Variants in COL7A1 observed in about 807,000 individuals in gnomAD.
The protein encoded by COL7A1 is collagen type VII alpha 1 chain.
COL7A1 carries 296 observed loss-of-function variants against 456.2 expected under a neutral mutation model. The observed-to-expected ratio is 0.65, with a 90% confidence interval of 0.59 to 0.71. COL7A1 has a LOEUF of 0.71. Among genes scored for constraint, COL7A1 ranks in the 30% least tolerant of loss-of-function variants. The pLI, the probability that COL7A1 is intolerant of heterozygous loss-of-function variation, is 0.00. For synonymous variants in COL7A1, 1,464 were observed against 1,525.9 expected (o/e 0.96, Z 0.95); for missense variants, 3,441 against 4,017.2 (o/e 0.86, Z 3.88).
Position 48,573,468 on chromosome 3 carries a change from C to G in COL7A1, c.6618+45G>C. ...GCGCACACTACCCCAGGCATGGACA[C>G]AGCTTGAAGGAGCCTCCTCCTCCTA... is the stretch of plus-strand genomic sequence containing the variant. On this transcript the variant is annotated intron_variant, in intron 83 of 118. Coordinates refer to ENST00000681320, the MANE Select transcript of COL7A1 (RefSeq NM_000094.4). The surrounding 1 kb of genome is among the most constrained non-coding windows in gnomAD (Gnocchi z 5.5). The G allele has an allele frequency of 6.2e-7, 1 of 1,613,968 alleles. No individual in the cohort carries two copies. Among genetic ancestry groups the G allele is most frequent in the Non-Finnish European group, 8.5e-7 (1 of 1,179,922 alleles).
chr3:48,578,393 T>A lies in COL7A1; in HGVS notation c.5488-28A>T, dbSNP rs1230697853. 1.2e-6 allele frequency: 2 copies of A among 1,613,442 alleles called. No homozygotes were observed. Among genetic ancestry groups the A allele is most frequent in the Admixed American group, 3.3e-5 (2 of 60,020 alleles). On this transcript the variant is annotated intron_variant, in intron 64 of 118. Transcript: ENST00000681320. This position sits in a 1 kb window ranked among gnomAD's most constrained non-coding sequence, Gnocchi z 4.7. ...GTGGGAACAGATCACTGGTTGGATG[T>A]CGGGGATCGGGTGAGGGTAGTAAGG...
chr3:48,583,091 C>G lies in COL7A1; in HGVS notation c.4482+36G>C. ...GTCAGAGCTGAGTTGGGCCCAGATC[C>G]TCCAGGGCCCTTGGCACCCCCCAGG... On this transcript the variant is annotated intron_variant, in intron 43 of 118. Coordinates refer to ENST00000681320, the MANE Select transcript of COL7A1 (RefSeq NM_000094.4). The surrounding 1 kb of genome is among the most constrained non-coding windows in gnomAD (Gnocchi z 5.1). 4.3e-6 allele frequency: 7 copies of G among 1,613,926 alleles called. No individual in the cohort carries two copies. Among genetic ancestry groups the G allele is most frequent in the Non-Finnish European group, 5.1e-6 (6 of 1,179,900 alleles).
chr3:48,582,604 C>G lies in COL7A1; in HGVS notation c.4563+5G>C. ...CTCCTGGTCCCACCACAGTCACAGA[C>G]TCACTTCAGGACCCTTGGCTCCAGG... On this transcript the variant is annotated splice_donor_5th_base_variant and intron_variant, in intron 45 of 118. Transcript: ENST00000681320. 6.2e-7 allele frequency: 1 copy of G among 1,613,740 alleles called. No individual in the cohort carries two copies. The highest frequency in any genetic ancestry group is 8.5e-7 in the Non-Finnish European group (1 of 1,180,036).
At position 48,577,037 on chromosome 3, in the gene COL7A1, G is replaced by C. The variant is rs201264274; in HGVS notation, c.5533-10C>G. Reference sequence around the variant, plus strand: ...GGTCCCCAGGTTCTCCCTGTGGGCAGAGGACTCACATCAGCCCAAACATTC... The same window carrying C: ...GGTCCCCAGGTTCTCCCTGTGGGCACAGGACTCACATCAGCCCAAACATTC... On this transcript the variant is annotated splice_polypyrimidine_tract_variant and intron_variant, in intron 65 of 118. Coordinates refer to ENST00000681320, the MANE Select transcript of COL7A1 (RefSeq NM_000094.4). The C allele has an allele frequency of 5.6e-6, 9 of 1,613,922 alleles. No homozygotes were observed. The African/African-American group carries it at 1.1e-4, about 19-fold the overall frequency.
Position 48,595,107 on chromosome 3 carries a change from G to A in COL7A1, c.53C>T (p.Ala18Val), listed in dbSNP as rs563053737. The change falls in exon 2 of 119, where the codon GCG (alanine) becomes GTG (valine). Residue 18 changes from alanine to valine, a missense_variant. Ala to Val is a moderately conservative substitution (Grantham distance 64, BLOSUM62 0). Transcript: ENST00000681320. ...CCTGTGCTGGGCTCGCACTCGGGGCGCCTCTGCCAGGATCCCGGCGCAGAG... is the reference window on the plus strand; with the variant it reads ...CCTGTGCTGGGCTCGCACTCGGGGCACCTCTGCCAGGATCCCGGCGCAGAG... ...AALCAGILAE[A>V]PRVRAQHRER... 2 of 1,554,250 alleles carry A rather than the reference G, an allele frequency of 1.3e-6. No individual in the cohort carries two copies. The highest frequency in any genetic ancestry group is 1.7e-6 in the Non-Finnish European group (2 of 1,149,202).
chr3:48,570,187 T>C lies in COL7A1; in HGVS notation c.7441-9A>G. On this transcript the variant is annotated splice_polypyrimidine_tract_variant and intron_variant, in intron 98 of 118. Coordinates refer to ENST00000681320, the MANE Select transcript of COL7A1 (RefSeq NM_000094.4). This position sits in a 1 kb window ranked among gnomAD's most constrained non-coding sequence, Gnocchi z 5.5. ...GGGCGGCCATCTTCACCCTGGATGG[T>C]GACATTAGGTTCATTGACTCAGAGG... is the stretch of plus-strand genomic sequence containing the variant. 6.2e-7 allele frequency: 1 copy of C among 1,613,628 alleles called. No individual in the cohort carries two copies. Among genetic ancestry groups the C allele is most frequent in the Non-Finnish European group, 8.5e-7 (1 of 1,179,664 alleles).
chr3:48,572,229 G>T lies in COL7A1; in HGVS notation c.6979-58C>A, dbSNP rs2043975336. 26 of 1,613,358 alleles carry T rather than the reference G, an allele frequency of 1.6e-5. No homozygotes were observed. The highest frequency in any genetic ancestry group is 2.2e-5 in the Non-Finnish European group (26 of 1,179,490). ...TCAGTCACAGAAAGATGAGACTCCGGAGGGAGGCATGGGGCCAGAGCTTAA... is the reference window on the plus strand; with the variant it reads ...TCAGTCACAGAAAGATGAGACTCCGTAGGGAGGCATGGGGCCAGAGCTTAA... On this transcript the variant is annotated intron_variant, in intron 90 of 118. Transcript: ENST00000681320. The surrounding 1 kb of genome is among the most constrained non-coding windows in gnomAD (Gnocchi z 4.6).
In COL7A1 at chr3:48,570,357, G is replaced by A. The variant is rs2043830520; in HGVS notation, c.7381-23C>T. On this transcript the variant is annotated intron_variant, in intron 97 of 118. Transcript: ENST00000681320. This position sits in a 1 kb window ranked among gnomAD's most constrained non-coding sequence, Gnocchi z 5.5. ...TCCCTGGAGACCAACAGGACACCGGGGATCAGTGAGGGGAATCAGTGGGGG... is the reference window on the plus strand; with the variant it reads ...TCCCTGGAGACCAACAGGACACCGGAGATCAGTGAGGGGAATCAGTGGGGG... 1.2e-6 allele frequency: 2 copies of A among 1,614,086 alleles called. No homozygotes were observed. Among genetic ancestry groups the A allele is most frequent in the Non-Finnish European group, 1.7e-6 (2 of 1,179,990 alleles).
intron 44 of COL7A1, 73 bp from the exon 45 acceptor site, chr3:48,582,726 G>A: frequency 6.5e-7 from 1 of 1,530,442 alleles, no homozygotes; most frequent in Non-Finnish European, 9.0e-7. Context: ...GCTAGAGGCT[G>A]GGGTGGGGGC....
rs780689097 is a variant in COL7A1, at chr3:48,580,961, C to G, written c.4936-35G>C. 6.2e-7 allele frequency: 1 copy of G among 1,613,254 alleles called. No homozygotes were observed. Among genetic ancestry groups the G allele is most frequent in the Non-Finnish European group, 8.5e-7 (1 of 1,179,612 alleles). On this transcript the variant is annotated intron_variant, in intron 53 of 118. Transcript: ENST00000681320. This position sits in a 1 kb window ranked among gnomAD's most constrained non-coding sequence, Gnocchi z 4.5. ...GAGAGAAAAGTCATACTGCACAGGG[C>G]AGTCAGGATCTAACTCACTCAGGGA...
In COL7A1 at chr3:48,570,992, G is replaced by C. The variant is rs144307023; in HGVS notation, c.7165-24C>G. The C allele has an allele frequency of 4.6e-5, 74 of 1,612,910 alleles. No individual in the cohort carries two copies. The Middle Eastern group carries it at 6.6e-4, about 14-fold the overall frequency. On this transcript the variant is annotated intron_variant, in intron 94 of 118. Transcript: ENST00000681320. This position sits in a 1 kb window ranked among gnomAD's most constrained non-coding sequence, Gnocchi z 5.5. ...CCCTGAAATAAAAACAGCAAAGGGA[G>C]GGAATGGTCAATGCAGGACCCCTCC...
chr3:48,574,750 C>T lies in COL7A1; in HGVS notation c.6349-29G>A, dbSNP rs373028896. 2.7e-5 allele frequency: 44 copies of T among 1,613,870 alleles called. No individual in the cohort carries two copies. The highest frequency in any genetic ancestry group is 3.6e-5 in the Non-Finnish European group (43 of 1,180,022). ...TGGGGATGAGATGTCAAGTCAGTCCCTAGTGCCATGGCAGAGGGTGGCCCC... is the reference window on the plus strand; with the variant it reads ...TGGGGATGAGATGTCAAGTCAGTCCTTAGTGCCATGGCAGAGGGTGGCCCC... On this transcript the variant is annotated intron_variant, in intron 77 of 118. Transcript: ENST00000681320. This position sits in a 1 kb window ranked among gnomAD's most constrained non-coding sequence, Gnocchi z 5.0.
Position 48,587,601 on chromosome 3 carries a change from AC to A in COL7A1, c.2858-48del, listed in dbSNP as rs748188120. 1.2e-6 allele frequency: 2 copies of A among 1,612,890 alleles called. No homozygotes were observed. Among genetic ancestry groups the A allele is most frequent in the Non-Finnish European group, 1.7e-6 (2 of 1,179,836 alleles). On this transcript the variant is annotated intron_variant, in intron 22 of 118. Coordinates refer to ENST00000681320, the MANE Select transcript of COL7A1 (RefSeq NM_000094.4). The surrounding 1 kb of genome is among the most constrained non-coding windows in gnomAD (Gnocchi z 6.1). ...GAGGATCAGAGGCTGAGTCCTGAGA[AC>A]CCAGAAGGGAGAGATCTGAGATCCT...
Position 48,594,934 on chromosome 3 carries a change from A to G in COL7A1, c.85+141T>C. Reference sequence around the variant, plus strand: ...AGCACCGATCGCGGAGGGTTCGGGGAGTCCCAGAATTAGGAGGAATCCGCG... The same window carrying G: ...AGCACCGATCGCGGAGGGTTCGGGGGGTCCCAGAATTAGGAGGAATCCGCG... On this transcript the variant is annotated intron_variant, in intron 2 of 118. Coordinates refer to ENST00000681320, the MANE Select transcript of COL7A1 (RefSeq NM_000094.4). This position sits in a 1 kb window ranked among gnomAD's most constrained non-coding sequence, Gnocchi z 5.5. 3 of 734,766 alleles carry G rather than the reference A, an allele frequency of 4.1e-6. No individual in the cohort carries two copies. The highest frequency in any genetic ancestry group is 6.8e-6 in the Non-Finnish European group (3 of 438,312). The allele number at this position is 734,766 out of a possible 1,614,324, so 45.5% of individuals were successfully genotyped here.
chr3:48,575,692 C>T lies in COL7A1; in HGVS notation c.5913G>A (p.Leu1971=), dbSNP rs754578634. The stretch of plus-strand genomic sequence containing the variant: ...GGCCTCGACGCCGTTCGGGCACAGG[C>T]AGGAAGCTACCAGAGCTCTCATCCC... The part of the protein sequence containing the change: ...ETWDESSGSF[L]PVPERRRGPK... Residue 1971 remains leucine (L), a synonymous_variant, in exon 73 of 119, where the codon CTG becomes CTA. Coordinates refer to ENST00000681320, the MANE Select transcript of COL7A1 (RefSeq NM_000094.4). This position sits in a 1 kb window ranked among gnomAD's most constrained non-coding sequence, Gnocchi z 6.3. 1.2e-6 allele frequency: 2 copies of T among 1,613,710 alleles called. No individual in the cohort carries two copies. Among genetic ancestry groups the T allele is most frequent in the Non-Finnish European group, 1.7e-6 (2 of 1,180,008 alleles).
In COL7A1 at chr3:48,585,980, G is replaced by A. The variant is rs144775888; in HGVS notation, c.3724-5C>T. On this transcript the variant is annotated splice_region_variant and splice_polypyrimidine_tract_variant and intron_variant, in intron 28 of 118. Coordinates refer to ENST00000681320, the MANE Select transcript of COL7A1 (RefSeq NM_000094.4). This position sits in a 1 kb window ranked among gnomAD's most constrained non-coding sequence, Gnocchi z 4.5. ...TGGGCAGGGCTCTGGCCGGGGCTGC[G>A]GACATAGGGTCTCTTTGAGGTTGAA... 3.4e-5 allele frequency: 55 copies of A among 1,613,874 alleles called. No homozygotes were observed. The East Asian group carries it at 1.1e-3, about 31-fold the overall frequency.
Position 48,593,584 on chromosome 3 carries a change from C to A in COL7A1, c.379G>T (p.Ala127Ser), listed in dbSNP as rs745345945. ...TRTGAAILHV[A>S]DHVFLPQLAR... ...AGCTGGGGCAGGAAGACATGGTCAG[C>A]CACATGGAGAATTGCAGCCCCTGTG... The change falls in exon 4 of 119, where the codon GCT (alanine) becomes TCT (serine). Residue 127 changes from alanine to serine, a missense_variant. By Grantham distance (99) the Ala-to-Ser change is moderately conservative. This residue lies in a region of COL7A1 where 913 missense variants were observed against 1,088.2 expected (regional missense o/e 0.84). Transcript: ENST00000681320. The surrounding 1 kb of genome is among the most constrained non-coding windows in gnomAD (Gnocchi z 4.4). 2 of 1,614,092 alleles carry A rather than the reference C, an allele frequency of 1.2e-6. No individual in the cohort carries two copies. The highest frequency in any genetic ancestry group is 1.7e-6 in the Non-Finnish European group (2 of 1,180,038).
rs1559437604 is a variant in COL7A1, at chr3:48,592,511, A to G, written c.977-44T>C. On this transcript the variant is annotated intron_variant, in intron 8 of 118. Transcript: ENST00000681320. The surrounding 1 kb of genome is among the most constrained non-coding windows in gnomAD (Gnocchi z 7.6). ...AGGGATTCATGGAGTCAGAAGTGGG[A>G]GGGGGTACTGGGGTCGGGGGTTAGG... 1.9e-6 allele frequency: 3 copies of G among 1,592,226 alleles called. No individual in the cohort carries two copies. In the South Asian group the frequency reaches 3.3e-5, roughly 18 times the overall value.
rs780780341 is a variant in COL7A1 at position 48,581,668 on chromosome 3, C to G, written c.4723-36G>C. On this transcript the variant is annotated intron_variant, in intron 49 of 118. Transcript: ENST00000681320. This position sits in a 1 kb window ranked among gnomAD's most constrained non-coding sequence, Gnocchi z 5.8. ...AAGGATAAGAAGTCAGGAAGACAAC[C>G]TTCACCAACTGCCCCCTAAACACTT... is the stretch of plus-strand genomic sequence containing the variant. 1 of 1,614,136 alleles carries G rather than the reference C, an allele frequency of 6.2e-7. No homozygotes were observed. The highest frequency in any genetic ancestry group is 1.1e-5 in the South Asian group (1 of 91,082).
Sources: gnomAD v4.1 joint callset for allele counts on GRCh38, gnomAD v4.1.1 for gene constraint, gnomAD v4.1.1 regional missense constraint, Gnocchi (gnomAD v3.1) non-coding constraint, MANE v1.5 for transcripts, NCBI Gene and HGNC (gene_info 2026-07-23, HGNC 2026-07-21) for gene names.